The following FGGY variants were observed in gnomAD, a reference collection of about 807,000 sequenced individuals.
The protein encoded by FGGY is FGGY carbohydrate kinase domain-containing protein.
In FGGY, 72 loss-of-function variants were observed where a neutral mutation model predicts 71.3. That is an observed-to-expected ratio of 1.01 (90% confidence interval 0.84 to 1.23). The LOEUF (loss-of-function observed/expected upper bound fraction) is 1.23. Among genes scored for constraint, FGGY ranks in the 50% most tolerant of loss-of-function variants. The probability of loss-of-function intolerance (pLI) is 0.00; values close to 1 mark genes in which losing one functional copy is unlikely to be tolerated. For synonymous variants in FGGY, 251 were observed against 250.3 expected (o/e 1.00, Z -0.02); for missense variants, 668 against 682.3 (o/e 0.98, Z 0.23).
At chr1:59,721,775 G>A (rs2097898789) in intron 14 of FGGY, among the ~76,000 whole-genome samples, 1 of 151,646 alleles carries the variant, frequency 6.6e-6, no homozygotes, top group Non-Finnish European at 1.5e-5. Flanking sequence ...TCACCAGTTT[G>A]GAATGCAATG....
At chr1:59,455,994 C>T (rs1000382669) in intron 5 of FGGY, among the ~76,000 whole-genome samples, 2 of 152,338 alleles carry the variant, frequency 1.3e-5, no homozygotes, top group Non-Finnish European at 2.9e-5. Context: ...AAGTCTTCCT[C>T]CTATTAAATA....
chr1:59,537,583 C>G lies in FGGY; in HGVS notation c.800-16541C>G, dbSNP rs559429862. ...AACAAAGCTGGAGGCATCACGCTACCTGACTTCAAGCTATACTACAAGGGT... is the reference window on the plus strand; with the variant it reads ...AACAAAGCTGGAGGCATCACGCTACGTGACTTCAAGCTATACTACAAGGGT... On this transcript the variant is annotated intron_variant, in intron 7 of 15. Coordinates refer to ENST00000303721, the MANE Select transcript of FGGY (RefSeq NM_018291.5). Among the ~76,000 whole-genome samples, 4 of 152,312 alleles carry G rather than the reference C, an allele frequency of 2.6e-5. No individual in the cohort carries two copies. In the East Asian group the frequency reaches 7.7e-4, roughly 29 times the overall value.
rs117236169 is a variant in FGGY, at chr1:59,332,216, G to C, written c.202-7742G>C. Among the ~76,000 whole-genome samples the C allele has an allele frequency of 1.9e-4, 29 of 152,266 alleles. No individual in the cohort carries two copies. In the East Asian group the frequency reaches 5.4e-3, roughly 28 times the overall value. On this transcript the variant is annotated intron_variant, in intron 2 of 15. Coordinates refer to ENST00000303721, the MANE Select transcript of FGGY (RefSeq NM_018291.5). ...GTTTGCTGCCCCATAGCTACGAGTT[G>C]ACAGTTGTTAGACATGGAACAGGTT... is the stretch of plus-strand genomic sequence containing the variant.
intron 5 of FGGY, among the ~76,000 whole-genome samples, chr1:59,447,478 G>A (rs941772501): frequency 2.6e-5 from 4 of 152,118 alleles, no homozygotes; most frequent in Non-Finnish European, 5.9e-5. Flanking sequence ...CCCTTACCTG[G>A]ACCTTTTATC....
chr1:59,635,610 G>T (rs12067863), intron 10 of FGGY, among the ~76,000 whole-genome samples: 11,089 of 151,782 alleles, frequency 0.073, 1,085 homozygotes, highest in African/African-American at 0.22. Context: ...GTGGAAAGTC[G>T]CAAGAATTAG....
At chr1:59,538,817 G>A (rs891829215) in intron 7 of FGGY, among the ~76,000 whole-genome samples, 11 of 139,076 alleles carry the variant, frequency 7.9e-5, no homozygotes, top group Non-Finnish European at 1.4e-4. Flanking sequence ...GACACAGGAA[G>A]GGGAACATCA....
chr1:59,748,746 C>A (rs1233993965), intron 14 of FGGY, among the ~76,000 whole-genome samples: 1 of 152,146 alleles, frequency 6.6e-6, no homozygotes, highest in Non-Finnish European at 1.5e-5. Flanking sequence ...GGAATCCCTG[C>A]TAAAAGCTAG....
intron 2 of FGGY, among the ~76,000 whole-genome samples, chr1:59,336,244 C>G (rs1478297888): frequency 6.6e-6 from 1 of 151,966 alleles, no homozygotes; most frequent in African/African-American, 2.4e-5. Context: ...TGTCCTTTCC[C>G]CCATTAAATT....
chr1:59,638,302 C>G lies in FGGY; in HGVS notation c.1148C>G (p.Thr383Ser). Residue 383 changes from threonine (T) to serine (S), a missense_variant, in exon 11 of 16, where the codon ACT becomes AGT. Transcript: ENST00000303721. ...IKKAQPVGFL[T>S]VDLHVWPDFH... is the part of the protein sequence containing the mutation. ...AAGGCTCAGCCTGTGGGTTTCCTTACTGTTGATTTACATGTTTGGCCAGAT... is the reference window on the plus strand; with the variant it reads ...AAGGCTCAGCCTGTGGGTTTCCTTAGTGTTGATTTACATGTTTGGCCAGAT... 1 of 1,614,196 alleles carries G rather than the reference C, an allele frequency of 6.2e-7. No individual in the cohort carries two copies. Among genetic ancestry groups the G allele is most frequent in the Non-Finnish European group, 8.5e-7 (1 of 1,180,026 alleles).
At chr1:59,563,361 G>A (rs1468922870) in intron 8 of FGGY, among the ~76,000 whole-genome samples, 2 of 152,088 alleles carry the variant, frequency 1.3e-5, no homozygotes, top group Non-Finnish European at 2.9e-5. Flanking sequence ...TAATCATGTG[G>A]TTTTTGTCAT....
chr1:59,336,514 A>G (rs113440810), intron 2 of FGGY, among the ~76,000 whole-genome samples: 2 of 149,260 alleles, frequency 1.3e-5, no homozygotes, highest in African/African-American at 5.0e-5. Flanking sequence ...TTTGGGATAC[A>G]TGTGCAGAAA....
chr1:59,376,876 A>G (rs1048267854), intron 4 of FGGY, among the ~76,000 whole-genome samples: 4 of 152,200 alleles, frequency 2.6e-5, no homozygotes, highest in Admixed American at 2.6e-4. Context: ...CTTCTTTACT[A>G]TTCTGTTTTT....
intron 8 of FGGY, among the ~76,000 whole-genome samples, chr1:59,572,945 C>T (rs1160031794): frequency 6.6e-6 from 1 of 152,158 alleles, no homozygotes; most frequent in African/African-American, 2.4e-5. Context: ...ACCCTTGTCT[C>T]TTATGAAAGG....
At chr1:59,585,250 C>T (rs996663243) in intron 8 of FGGY, among the ~76,000 whole-genome samples, 10 of 152,142 alleles carry the variant, frequency 6.6e-5, no homozygotes, top group South Asian at 2.1e-4. Flanking sequence ...AGAGGCATCA[C>T]GCTACCTGAC....
At chr1:59,593,726 C>G (rs2096485653) in intron 8 of FGGY, among the ~76,000 whole-genome samples, 1 of 152,172 alleles carries the variant, frequency 6.6e-6, no homozygotes, top group South Asian at 2.1e-4. Context: ...GCCATTCTTG[C>G]ATTAACTGTT....
intron 8 of FGGY, among the ~76,000 whole-genome samples, chr1:59,569,541 C>T (rs1268122971): frequency 3.3e-5 from 5 of 152,090 alleles, no homozygotes; most frequent in African/African-American, 1.2e-4. Context: ...GCTGTTAGAA[C>T]CTGAAAGAAC....
intron 7 of FGGY, among the ~76,000 whole-genome samples, chr1:59,513,675 A>T (rs1439981227): frequency 6.6e-6 from 1 of 152,202 alleles, no homozygotes; most frequent in African/African-American, 2.4e-5. Flanking sequence ...GAACAGGAAC[A>T]TTATGTTATC....
intron 7 of FGGY, among the ~76,000 whole-genome samples, chr1:59,523,109 C>T (rs2094881723): frequency 6.6e-6 from 1 of 152,204 alleles, no homozygotes; most frequent in Non-Finnish European, 1.5e-5. Flanking sequence ...AATCCAGCCA[C>T]TGGTTCTGAC....
At chr1:59,535,477 G>C (rs1028488717) in intron 7 of FGGY, among the ~76,000 whole-genome samples, 6 of 152,124 alleles carry the variant, frequency 3.9e-5, no homozygotes, top group East Asian at 1.9e-4. Context: ...CTGCACCAAG[G>C]AGACCTAATA....
Sources: gnomAD v4.1 joint callset for allele counts (sites outside exome capture counted in the v4.1 genomes callset) on GRCh38, gnomAD v4.1.1 for gene constraint, MANE v1.5 for transcripts, NCBI Gene and HGNC (gene_info 2026-07-23, HGNC 2026-07-21) for gene names.